Variants in MCF2 observed in about 807,000 individuals in gnomAD.
MCF2 encodes MCF.2 cell line derived transforming sequence, also known as proto-oncogene DBL.
Under a neutral mutation model 82.5 loss-of-function variants are expected in MCF2, and 44 were observed. The observed-to-expected ratio is 0.53, with a 90% CI of 0.42 to 0.69. The LOEUF (loss-of-function observed/expected upper bound fraction) is 0.69. MCF2 is among the 30% of genes least tolerant of loss of function. MCF2 has a pLI of 0.00. For synonymous variants in MCF2, 217 were observed against 224.9 expected (o/e 0.96, Z 0.32); for missense variants, 623 against 663.1 (o/e 0.94, Z 0.66).
chrX:139,640,706 G>T (rs1347249536), intron 1 of MCF2, among the ~76,000 whole-genome samples: 1 of 110,877 alleles, frequency 9.0e-6, no homozygotes, highest in Non-Finnish European at 1.9e-5. Context: ...ACTAGCTAAG[G>T]TTCAAATTCT....
rs1309852528 is a variant in MCF2, at chrX:139,624,940, A to T, written c.687+1253T>A. Among the ~76,000 whole-genome samples, 5 of 111,307 alleles carry T rather than the reference A, an allele frequency of 4.5e-5. No homozygotes were observed. The East Asian group carries it at 1.4e-3, about 32-fold the overall frequency. On this transcript the variant is annotated intron_variant, in intron 6 of 24. Transcript: ENST00000370576. Reference sequence around the variant, plus strand: ...AAAAAATATTATCTGTATATATATGAGGGAGGGAATAAAAATAATAGAGCA... The same window carrying T: ...AAAAAATATTATCTGTATATATATGTGGGAGGGAATAAAAATAATAGAGCA...
chrX:139,590,297 T>A (rs1929388116), intron 19 of MCF2, among the ~76,000 whole-genome samples: 1 of 110,919 alleles, frequency 9.0e-6, no homozygotes, highest in African/African-American at 3.3e-5. Flanking sequence ...CCACTGAAAA[T>A]TAATTTAAAT....
intron 23 of MCF2, 62 bp from the exon 28 acceptor site, chrX:139,585,240 A>G: frequency 1.5e-6 from 1 of 667,518 alleles, no homozygotes; most frequent in Non-Finnish European, 2.3e-6. Context: ...CAAGGTGAGA[A>G]GTAAAACTAG....
At chrX:139,695,178 G>A (rs755123511) in intron 1 of MCF2, among the ~76,000 whole-genome samples, 47 of 109,266 alleles carry the variant, frequency 4.3e-4, no homozygotes, top group Non-Finnish European at 7.4e-4. Context: ...TTACAGGCAC[G>A]TGCCACCACA....
At chrX:139,607,802 T>A in intron 11 of MCF2, 23 bp from the exon 16 acceptor site, 1 of 1,059,344 alleles carries the variant, frequency 9.4e-7, no homozygotes, top group East Asian at 3.0e-5. Context: ...AAATAAAAGT[T>A]AAATTAGCAC....
chrX:139,655,724 G>A (rs1039125223), intron 1 of MCF2, among the ~76,000 whole-genome samples: 5 of 110,968 alleles, frequency 4.5e-5, no homozygotes, highest in Admixed American at 9.6e-5. Context: ...TCCCCTTCCT[G>A]TGTCCAAGTG....
intron 1 of MCF2, among the ~76,000 whole-genome samples, chrX:139,678,447 C>G (rs1246914091): frequency 9.0e-6 from 1 of 111,282 alleles, no homozygotes; most frequent in African/African-American, 3.3e-5. Context: ...AAGCAGAAAG[C>G]ATAAAATAAA....
intron 3 of MCF2, among the ~76,000 whole-genome samples, 198 bp from the exon 7 acceptor site, chrX:139,630,042 G>A (rs1189961469): frequency 1.8e-5 from 2 of 111,571 alleles, no homozygotes; most frequent in African/African-American, 3.3e-5. Flanking sequence ...GAAACTGAAG[G>A]AAGATTAAGA....
chrX:139,698,102 A>G (rs1317514163), intron 1 of MCF2, among the ~76,000 whole-genome samples: 1 of 112,084 alleles, frequency 8.9e-6, no homozygotes. Flanking sequence ...GTGAGCCACG[A>G]TTGTGCCACT....
At chrX:139,641,507 T>C (rs982815377) in intron 1 of MCF2, among the ~76,000 whole-genome samples, 11 of 111,200 alleles carry the variant, frequency 9.9e-5, no homozygotes, top group African/African-American at 3.3e-4. Flanking sequence ...ATAATAAAAG[T>C]CTTACTTTCC....
intron 2 of MCF2, among the ~76,000 whole-genome samples, chrX:139,650,229 C>G (rs751081550): frequency 9.0e-6 from 1 of 111,539 alleles, no homozygotes; most frequent in Non-Finnish European, 1.9e-5. Context: ...TGGCACACTC[C>G]TATAGTTCCA....
intron 1 of MCF2, among the ~76,000 whole-genome samples, chrX:139,703,177 C>T (rs1935530817): frequency 8.9e-6 from 1 of 111,931 alleles, no homozygotes; most frequent in Non-Finnish European, 1.9e-5. Flanking sequence ...CCCTAATACA[C>T]CTTCTGTATC....
At chrX:139,631,864 C>T (rs1291124905) in intron 2 of MCF2, among the ~76,000 whole-genome samples, 2 of 111,261 alleles carry the variant, frequency 1.8e-5, no homozygotes, top group East Asian at 5.6e-4. Flanking sequence ...TCAGGAGGGG[C>T]TGACCTTTTC....
At chrX:139,668,223 G>C (rs1224725043) in intron 1 of MCF2, among the ~76,000 whole-genome samples, 1 of 111,697 alleles carries the variant, frequency 9.0e-6, no homozygotes, top group Non-Finnish European at 1.9e-5. Context: ...CAGCAATGTT[G>C]GCAGTTATCA....
intron 1 of MCF2, among the ~76,000 whole-genome samples, chrX:139,659,094 C>T (rs1934283265): frequency 9.0e-6 from 1 of 110,866 alleles, no homozygotes; most frequent in Admixed American, 9.6e-5. Context: ...TGGAGACTAT[C>T]CTGGCCAACA....
intron 1 of MCF2, among the ~76,000 whole-genome samples, chrX:139,695,479 T>C (rs1935364189): frequency 8.9e-6 from 1 of 112,150 alleles, no homozygotes; most frequent in Admixed American, 9.5e-5. Flanking sequence ...AAGATGAATA[T>C]GTAGTATAAT....
chrX:139,651,592 G>C (rs1230584341), intron 2 of MCF2, 128 bp downstream of exon 2: 5 of 377,113 alleles, frequency 1.3e-5, no homozygotes, highest in South Asian at 7.7e-5. Flanking sequence ...TATTGAAATA[G>C]TGCTTCTCAA....
chrX:139,686,272 T>C, intron 1 of MCF2, among the ~76,000 whole-genome samples: 1 of 110,978 alleles, frequency 9.0e-6, no homozygotes, highest in Non-Finnish European at 1.9e-5. Context: ...GCCAGAGCAA[T>C]CAGGCAAGAG....
intron 2 of MCF2, among the ~76,000 whole-genome samples, chrX:139,650,554 T>C (rs1335275150): frequency 8.9e-6 from 1 of 111,848 alleles, no homozygotes; most frequent in East Asian, 2.8e-4. Flanking sequence ...TGTATTAATA[T>C]ATACCAGTAA....
Sources: gnomAD v4.1 joint callset for allele counts (sites outside exome capture counted in the v4.1 genomes callset) on GRCh38, gnomAD v4.1.1 for gene constraint, MANE v1.5 for transcripts, NCBI Gene and HGNC (gene_info 2026-07-23, HGNC 2026-07-21) for gene names.